Variants in FAAP20 observed in about 807,000 individuals in gnomAD.
FAAP20 encodes Fanconi anemia core complex-associated protein 20.
Under a neutral mutation model 16.2 loss-of-function variants are expected in FAAP20, and 12 were observed. The ratio of observed to expected loss-of-function variants is 0.74; its 90% confidence interval spans 0.48 to 1.20. The LOEUF is 1.20. FAAP20 is among the 50% of genes most tolerant of loss of function. The probability of loss-of-function intolerance (pLI) is 0.00; values close to 1 mark genes in which losing one functional copy is unlikely to be tolerated. For synonymous variants in FAAP20, 141 were observed against 110.7 expected (o/e 1.27, Z -1.72); for missense variants, 288 against 245.8 (o/e 1.17, Z -1.15).
At chr1:2,189,860 C>A (rs1050516192) in intron 3 of FAAP20, 79 bp from the exon 4 acceptor site, 1 of 1,088,596 alleles carries the variant, frequency 9.2e-7, no homozygotes, top group East Asian at 2.4e-5. Flanking sequence ...ACCTCCGGGC[C>A]CTCTCTGCTC....
rs1191491730 is a variant in FAAP20 at position 2,193,498 on chromosome 1, C to T, written c.470+141G>A. ...AGAGAGCCACCTGGACATGCCAGGC[C>T]ACAGCACTGGGCCACCTTTCCAGTG... On this transcript the variant is annotated intron_variant, in intron 3 of 3. Transcript: ENST00000378546. 4 of 1,334,294 alleles carry T rather than the reference C, an allele frequency of 3.0e-6. No individual in the cohort carries two copies. In the African/African-American group the frequency reaches 4.4e-5, roughly 15 times the overall value. The allele number at this position is 1,334,294 out of a possible 1,614,324, so 82.7% of individuals were successfully genotyped here.
At chr1:2,209,248 C>T (rs148570545), downstream of FAAP20, among the ~76,000 whole-genome samples, 1,047 of 152,314 alleles carry the variant, frequency 6.9e-3, 6 homozygotes, top group Non-Finnish European at 0.011. Flanking sequence ...GCCCCCGCCC[C>T]GAAAGCTTAT....
In FAAP20 at chr1:2,189,788, G is replaced by C. The variant is rs766744390; in HGVS notation, c.471-7C>G. The C allele has an allele frequency of 3.7e-6, 6 of 1,609,352 alleles. No homozygotes were observed. The African/African-American group carries it at 6.7e-5, about 18-fold the overall frequency. On this transcript the variant is annotated splice_region_variant and splice_polypyrimidine_tract_variant and intron_variant, in intron 3 of 3. Coordinates refer to ENST00000378546, the MANE Select transcript of FAAP20 (RefSeq NM_182533.4). ...AACATCCAGCTGGGTCAGCCTGCAAGGGAGGGGCCACACTCACTCGGCCAC... is the reference window on the plus strand; with the variant it reads ...AACATCCAGCTGGGTCAGCCTGCAACGGAGGGGCCACACTCACTCGGCCAC...
chr1:2,211,508 G>A (rs913305259), downstream of FAAP20, among the ~76,000 whole-genome samples: 3 of 126,414 alleles, frequency 2.4e-5, no homozygotes, highest in Non-Finnish European at 4.7e-5. Flanking sequence ...GTGCAGTGGC[G>A]CAATCTGGGC....
intron 3 of FAAP20, chr1:2,192,501 G>A (rs1688344366): frequency 2.0e-6 from 2 of 995,960 alleles, no homozygotes; most frequent in African/African-American, 1.7e-5. Flanking sequence ...ATCTGGAAAA[G>A]CAGGCGATGC....
At chr1:2,199,111 C>G (rs1182776768), upstream of FAAP20, 1 of 1,188,098 alleles carries the variant, frequency 8.4e-7, no homozygotes, top group Non-Finnish European at 1.1e-6. This position sits in a 1 kb window ranked among gnomAD's most constrained non-coding sequence, Gnocchi z 4.5. Flanking sequence ...CCAGGAGCAG[C>G]TGGGGAGGGC....
upstream of FAAP20, chr1:2,203,796 G>A: frequency 3.7e-6 from 1 of 268,828 alleles, no homozygotes; most frequent in Non-Finnish European, 5.7e-6. Context: ...ACCCAGCCCT[G>A]TGACAGAGGT....
chr1:2,196,525 C>T (rs772398874), upstream of FAAP20, among the ~76,000 whole-genome samples: 3 of 149,462 alleles, frequency 2.0e-5, no homozygotes, highest in African/African-American at 7.5e-5. This position sits in a 1 kb window ranked among gnomAD's most constrained non-coding sequence, Gnocchi z 4.5. Context: ...TGCCACTGCA[C>T]TCCAGACCCC....
downstream of FAAP20, among the ~76,000 whole-genome samples, chr1:2,211,900 C>CTT (rs60874812): frequency 8.5e-3 from 845 of 98,958 alleles, 59 homozygotes; most frequent in African/African-American, 0.038. Flanking sequence ...CAAGCTGCTG[C>CTT]TTTTTTTTTT....
downstream of FAAP20, chr1:2,185,999 C>A: frequency 2.5e-6 from 1 of 405,934 alleles, no homozygotes; most frequent in South Asian, 1.7e-5. Context: ...TCTCCGTCCA[C>A]CCACCCCTCA....
chr1:2,209,048 G>A (rs76238118), downstream of FAAP20, among the ~76,000 whole-genome samples: 4,843 of 152,274 alleles, frequency 0.032, 118 homozygotes, highest in Middle Eastern at 0.061. Context: ...CCCAGGTTAG[G>A]AGCAGAGCCC....
At chr1:2,198,887 A>G, upstream of FAAP20, 2 of 1,289,766 alleles carry the variant, frequency 1.6e-6, no homozygotes, top group Non-Finnish European at 2.0e-6. Flanking sequence ...GGTGGCATTT[A>G]TGGGATACGG....
downstream of FAAP20, chr1:2,185,179 C>A: frequency 1.4e-6 from 1 of 726,740 alleles, no homozygotes. Flanking sequence ...GCAGAACAGT[C>A]CCTCACACCT....
upstream of FAAP20, chr1:2,198,096 C>T (rs1254041989): frequency 3.3e-5 from 43 of 1,291,186 alleles, no homozygotes; most frequent in East Asian, 1.1e-4. Context: ...CTGATGAAAA[C>T]GCTCCACTTC....
At chr1:2,198,795 C>T (rs142593122), upstream of FAAP20, 13,568 of 1,289,506 alleles carry the variant, frequency 0.011, 84 homozygotes, top group Non-Finnish European at 0.012. Context: ...AGCCTTCTGA[C>T]GCAGCCAGGA....
At chr1:2,184,518 A>G, downstream of FAAP20, 1 of 1,248,914 alleles carries the variant, frequency 8.0e-7, no homozygotes, top group South Asian at 1.3e-5. Flanking sequence ...AGTGCGTGCA[A>G]AACACTCAAT....
At chr1:2,201,167 G>A (rs530781260), upstream of FAAP20, 16 of 1,268,964 alleles carry the variant, frequency 1.3e-5, 1 homozygote, top group Middle Eastern at 3.1e-4. Context: ...TCTGAGTGAC[G>A]TGCAGACCTT....
rs145939178 is a variant in FAAP20, at chr1:2,189,706, C to A, written c.*3G>T. 201 of 1,608,654 alleles carry A rather than the reference C, an allele frequency of 1.2e-4. 1 individual carries two copies. The African/African-American group carries it at 2.5e-3, about 20-fold the overall frequency. On this transcript the variant is annotated 3_prime_UTR_variant, in exon 4 of 4. Transcript: ENST00000378546. ...CACTCTGCGCAGGGCTCTTGGATGG[C>A]GCTCACCACGTCACGTCTTCTGTGC...
At chr1:2,193,165 T>C in intron 3 of FAAP20, 1 of 378,552 alleles carries the variant, frequency 2.6e-6, no homozygotes, top group African/African-American at 2.1e-5. Flanking sequence ...CAGTTTGGGT[T>C]ATCTTGTTAG....
Sources: allele counts gnomAD v4.1 joint callset (sites outside exome capture counted in the v4.1 genomes callset), GRCh38; gene constraint gnomAD v4.1.1; non-coding constraint Gnocchi (gnomAD v3.1); transcripts MANE v1.5; gene names NCBI Gene and HGNC (gene_info 2026-07-23, HGNC 2026-07-21).